The following SH3RF1 variants were observed in gnomAD, a reference collection of about 807,000 sequenced individuals.
SH3RF1 encodes SH3 domain containing ring finger 1.
SH3RF1 carries 32 observed loss-of-function variants against 74.0 expected under a neutral mutation model. That is an observed-to-expected ratio of 0.43 (90% CI 0.33 to 0.58). The LOEUF is 0.58. Among genes scored for constraint, SH3RF1 ranks in the 20% least tolerant of loss-of-function variants. The pLI is 0.05. For synonymous variants in SH3RF1, 396 were observed against 439.6 expected (o/e 0.90, Z 1.24); for missense variants, 954 against 1,130.9 (o/e 0.84, Z 2.24).
rs193226644 is a variant in SH3RF1 at position 169,150,622 on chromosome 4, C to T, written c.765+4858G>A. Among the ~76,000 whole-genome samples, 686 of 152,254 alleles carry T rather than the reference C, an allele frequency of 4.5e-3. 4 individuals carry two copies. Among genetic ancestry groups the T allele is most frequent in the African/African-American group, 0.015 (635 of 41,534 alleles). On this transcript the variant is annotated intron_variant, in intron 4 of 11. Coordinates refer to ENST00000284637, the MANE Select transcript of SH3RF1 (RefSeq NM_020870.4). ...CTAAAATTTTATATCCTTTGACCTA[C>T]GCTACCCCCAGGGGGGTCTTCTCTA... is the stretch of plus-strand genomic sequence containing the variant.
At chr4:169,268,243 G>A (rs1041735280) in intron 2 of SH3RF1, among the ~76,000 whole-genome samples, 2 of 152,070 alleles carry the variant, frequency 1.3e-5, no homozygotes, top group Non-Finnish European at 2.9e-5. Flanking sequence ...AGATGTTTTA[G>A]TGTAGTCCTA....
intron 1 of SH3RF1, among the ~76,000 whole-genome samples, 182 bp from the exon 2 acceptor site, chr4:169,269,489 T>A (rs1434734270): frequency 6.6e-6 from 1 of 152,186 alleles, no homozygotes; most frequent in African/African-American, 2.4e-5. Flanking sequence ...CAAAACAGGC[T>A]TTCTAAACAA....
intron 4 of SH3RF1, among the ~76,000 whole-genome samples, chr4:169,143,279 A>G (rs1031832667): frequency 3.3e-5 from 5 of 152,238 alleles, no homozygotes; most frequent in African/African-American, 9.6e-5. Flanking sequence ...AGCCCAATGT[A>G]TCTACACTAT....
chr4:169,249,089 A>G (rs1414910996), intron 2 of SH3RF1, among the ~76,000 whole-genome samples: 9 of 152,038 alleles, frequency 5.9e-5, no homozygotes, highest in Admixed American at 2.0e-4. Context: ...TTAGCCAGGC[A>G]TGGTGGTGGG....
intron 4 of SH3RF1, among the ~76,000 whole-genome samples, chr4:169,151,102 C>T (rs987765542): frequency 6.6e-6 from 1 of 152,052 alleles, no homozygotes; most frequent in African/African-American, 2.4e-5. Context: ...GAGTTTAGAA[C>T]CTTTCATTAT....
At position 169,096,146 on chromosome 4, in the gene SH3RF1, T is replaced by C. The variant is rs960747341; in HGVS notation, c.*373A>G. On this transcript the variant is annotated 3_prime_UTR_variant, in exon 12 of 12. Transcript: ENST00000284637. ...ATCATTTCATAAATTAATAATTTCT[T>C]AAAATCATAATCCAAAGAACGTATC... 6.1e-6 allele frequency: 1 copy of C among 165,278 alleles called. No homozygotes were observed. The highest frequency in any genetic ancestry group is 2.4e-5 in the African/African-American group (1 of 42,018). 10.2% of individuals were successfully genotyped at this position (165,278 alleles called of 1,614,324 possible).
intron 2 of SH3RF1, among the ~76,000 whole-genome samples, chr4:169,212,292 G>A (rs546985876): frequency 2.0e-4 from 30 of 151,948 alleles, no homozygotes; most frequent in Admixed American, 3.9e-4. Flanking sequence ...TTAATCTCCC[G>A]ACCTCAGGTG....
intron 2 of SH3RF1, among the ~76,000 whole-genome samples, chr4:169,175,186 A>G (rs1325814776): frequency 6.6e-6 from 1 of 152,208 alleles, no homozygotes; most frequent in Non-Finnish European, 1.5e-5. Flanking sequence ...ACCCCCAGTC[A>G]GTCCACTTCT....
chr4:169,190,322 T>G (rs545878185), intron 2 of SH3RF1, among the ~76,000 whole-genome samples: 30 of 152,006 alleles, frequency 2.0e-4, no homozygotes, highest in Non-Finnish European at 5.9e-5. Context: ...GATAGACCAT[T>G]AGCAAGATTA....
At chr4:169,104,205 C>T (rs1328373694) in intron 11 of SH3RF1, among the ~76,000 whole-genome samples, 1 of 152,110 alleles carries the variant, frequency 6.6e-6, no homozygotes, top group East Asian at 1.9e-4. Flanking sequence ...CAAAGTGAAC[C>T]ATCACTCAAA....
intron 2 of SH3RF1, among the ~76,000 whole-genome samples, chr4:169,263,539 C>T (rs1279826198): frequency 1.3e-5 from 2 of 152,220 alleles, no homozygotes; most frequent in Non-Finnish European, 2.9e-5. Flanking sequence ...CACACCAAAC[C>T]TGGAGCAACT....
intron 2 of SH3RF1, among the ~76,000 whole-genome samples, chr4:169,183,776 G>A (rs1579124875): frequency 2.0e-5 from 3 of 147,892 alleles, no homozygotes; most frequent in East Asian, 2.0e-4. Context: ...AAACAAAACA[G>A]AACAAAAAAA....
At chr4:169,249,403 G>C (rs1266667486) in intron 2 of SH3RF1, among the ~76,000 whole-genome samples, 2 of 152,206 alleles carry the variant, frequency 1.3e-5, no homozygotes, top group East Asian at 3.9e-4. Flanking sequence ...TGGAGGCAGA[G>C]AGTTGCCCTC....
intron 10 of SH3RF1, among the ~76,000 whole-genome samples, chr4:169,115,911 T>A (rs1366884295): frequency 6.6e-6 from 1 of 151,950 alleles, no homozygotes; most frequent in East Asian, 1.9e-4. Context: ...GACAGCAAAA[T>A]GATGAAAGAA....
intron 2 of SH3RF1, among the ~76,000 whole-genome samples, chr4:169,207,091 G>A (rs543572755): frequency 6.6e-6 from 1 of 151,982 alleles, no homozygotes; most frequent in East Asian, 1.9e-4. Flanking sequence ...CCCAAATAGC[G>A]GGGCTACAAG....
Position 169,116,443 on chromosome 4 carries a change from A to G in SH3RF1, c.1965T>C (p.Pro655=). ...GTGGAGCAGCTGCTGCACAGGCCAG[A>G]GGGGCACTGGCTCGACTGATACTGA... is the stretch of plus-strand genomic sequence containing the variant. ...AAISISRASA[P]LACAAAAPLT... is the part of the protein sequence containing the mutation. The change falls in exon 10 of 12, where the codon CCT becomes CCC. Residue 655 remains proline, a synonymous_variant. Transcript: ENST00000284637. 6.2e-7 allele frequency: 1 copy of G among 1,614,064 alleles called. No individual in the cohort carries two copies. The highest frequency in any genetic ancestry group is 8.5e-7 in the Non-Finnish European group (1 of 1,179,986).
chr4:169,118,876 G>A (rs529232508), intron 8 of SH3RF1, among the ~76,000 whole-genome samples: 23 of 152,230 alleles, frequency 1.5e-4, no homozygotes, highest in African/African-American at 5.3e-4. Flanking sequence ...CATGCTCAGG[G>A]TTACAGCCAA....
In SH3RF1 at chr4:169,130,129, C is replaced by T. The variant is rs1419491171; in HGVS notation, c.1096G>A (p.Val366Met). Reference protein sequence around the residue: ...QVHISTTGLIVTPPPSSPVTT... With the variant: ...QVHISTTGLIMTPPPSSPVTT... ...ACTGGGCTGCTTGGGGGCGGGGTCA[C>T]AATTAACCCGGTGGTACTTATATGA... is the stretch of plus-strand genomic sequence containing the variant. The change falls in exon 6 of 12, where the codon GTG (valine) becomes ATG (methionine). Residue 366 changes from valine (V) to methionine (M), a missense_variant. This residue lies in a region of SH3RF1 where 854 missense variants were observed against 962.5 expected (regional missense o/e 0.89). Transcript: ENST00000284637. 6.3e-7 allele frequency: 1 copy of T among 1,599,342 alleles called. No individual in the cohort carries two copies. Among genetic ancestry groups the T allele is most frequent in the Non-Finnish European group, 8.5e-7 (1 of 1,175,368 alleles).
intron 1 of SH3RF1, 23 bp from the exon 2 acceptor site, chr4:169,269,330 G>T: frequency 8.9e-7 from 1 of 1,122,542 alleles, no homozygotes; most frequent in Non-Finnish European, 1.2e-6. Flanking sequence ...GGAAAAGGGG[G>T]AAAAGAGAAC....
Sources: gnomAD v4.1 joint callset for allele counts (sites outside exome capture counted in the v4.1 genomes callset) on GRCh38, gnomAD v4.1.1 for gene constraint, gnomAD v4.1.1 regional missense constraint, MANE v1.5 for transcripts, NCBI Gene and HGNC (gene_info 2026-07-23, HGNC 2026-07-21) for gene names.